GALNT17: variants seen among roughly 807,000 people sequenced by gnomAD.
The protein encoded by GALNT17 is UDP-GalNAc:polypeptide N-acetylgalactosaminyltransferase-like 3.
In GALNT17, 29 loss-of-function variants were observed where a neutral mutation model predicts 63.7. The observed-to-expected ratio is 0.46, with a 90% CI of 0.34 to 0.62. The LOEUF (loss-of-function observed/expected upper bound fraction) is 0.62. Among genes scored for constraint, GALNT17 ranks in the 20% least tolerant of loss-of-function variants. The pLI is 0.01. For missense variants in GALNT17, 603 were observed against 799.6 expected, an observed-to-expected ratio of 0.75 and a Z score of 2.97; for synonymous variants, 305 against 318.3, an observed-to-expected ratio of 0.96 and a Z score of 0.45.
chr7:71,543,800 CTTT>C (rs71089957), intron 5 of GALNT17, among the ~76,000 whole-genome samples: 1 of 146,922 alleles, frequency 6.8e-6, no homozygotes, highest in Non-Finnish European at 1.5e-5. Context: ...TCTTTTCTTT[CTTT>C]TTTTTTTGAG....
At chr7:71,645,623 C>A (rs1790665863) in intron 6 of GALNT17, among the ~76,000 whole-genome samples, 1 of 152,066 alleles carries the variant, frequency 6.6e-6, no homozygotes, top group African/African-American at 2.4e-5. Context: ...GTTATAGGCC[C>A]AAGAAGAGTA....
At chr7:71,639,765 C>T (rs1790577881) in intron 6 of GALNT17, among the ~76,000 whole-genome samples, 1 of 152,200 alleles carries the variant, frequency 6.6e-6, no homozygotes, top group African/African-American at 2.4e-5. Context: ...TTCTGAGGTT[C>T]ATAAAGCATT....
chr7:71,400,483 A>C (rs1465453723), intron 3 of GALNT17, among the ~76,000 whole-genome samples: 1 of 152,232 alleles, frequency 6.6e-6, no homozygotes, highest in Non-Finnish European at 1.5e-5. Flanking sequence ...TATAAATTTT[A>C]CATTATATAG....
chr7:71,413,415 G>T (rs958162546), intron 3 of GALNT17, among the ~76,000 whole-genome samples: 10 of 151,826 alleles, frequency 6.6e-5, no homozygotes, highest in African/African-American at 2.4e-4. Context: ...TCCCAGGCTG[G>T]AGTGCAGTGG....
intron 6 of GALNT17, among the ~76,000 whole-genome samples, chr7:71,589,277 G>A (rs572493883): frequency 1.3e-5 from 2 of 152,238 alleles, no homozygotes; most frequent in African/African-American, 2.4e-5. Flanking sequence ...GGACAAAGGA[G>A]AACTTAAAAG....
chr7:71,238,303 T>G (rs917944603), intron 1 of GALNT17, among the ~76,000 whole-genome samples: 2 of 152,100 alleles, frequency 1.3e-5, no homozygotes, highest in South Asian at 4.1e-4. Context: ...AGGTGAGGGG[T>G]TGGGAAAGAG....
At chr7:71,615,607 G>C (rs1487128622) in intron 6 of GALNT17, among the ~76,000 whole-genome samples, 1 of 149,992 alleles carries the variant, frequency 6.7e-6, no homozygotes, top group Non-Finnish European at 1.5e-5. Flanking sequence ...CTCCCAAGTA[G>C]TTGGGACTAC....
intron 5 of GALNT17, among the ~76,000 whole-genome samples, chr7:71,507,771 G>T (rs1788290808): frequency 6.6e-6 from 1 of 152,170 alleles, no homozygotes; most frequent in Non-Finnish European, 1.5e-5. Context: ...AGTTGGGAAG[G>T]AACTGGGAGG....
At chr7:71,701,905 ATATATACATATATATATG>A (rs1216557455) in intron 9 of GALNT17, among the ~76,000 whole-genome samples, 1 of 126,932 alleles carries the variant, frequency 7.9e-6, no homozygotes, top group African/African-American at 3.2e-5. Flanking sequence ...ACACATATAT[ATATATACATATATATATG>A]TATATATATA....
At chr7:71,545,582 C>A (rs1788969402) in intron 5 of GALNT17, among the ~76,000 whole-genome samples, 1 of 152,094 alleles carries the variant, frequency 6.6e-6, no homozygotes, top group African/African-American at 2.4e-5. Flanking sequence ...AAACTCCTGG[C>A]TTCTAGCGAT....
intron 9 of GALNT17, among the ~76,000 whole-genome samples, chr7:71,693,436 TGTG>T (rs1415632095): frequency 2.6e-5 from 4 of 151,672 alleles, no homozygotes; most frequent in African/African-American, 4.8e-5. Context: ...ATTAAAAAAA[TGTG>T]GTGCATATAC....
intron 9 of GALNT17, among the ~76,000 whole-genome samples, chr7:71,695,393 C>T (rs1186939050): frequency 6.6e-6 from 1 of 152,164 alleles, no homozygotes; most frequent in Non-Finnish European, 1.5e-5. Context: ...AGTCATATGG[C>T]AGAAGGGAGA....
chr7:71,581,403 A>C (rs1214137359), intron 6 of GALNT17, among the ~76,000 whole-genome samples: 1 of 151,954 alleles, frequency 6.6e-6, no homozygotes, highest in East Asian at 1.9e-4. Context: ...CATGTGATCC[A>C]CCCGCCTTGG....
intron 8 of GALNT17, 105 bp downstream of exon 8, chr7:71,670,214 GT>G: frequency 1.3e-6 from 2 of 1,487,948 alleles, no homozygotes; most frequent in Non-Finnish European, 1.9e-6. Context: ...TCAATGAGTG[GT>G]TTTTGGAGGT....
intron 6 of GALNT17, among the ~76,000 whole-genome samples, chr7:71,645,780 T>C (rs1790667547): frequency 6.6e-6 from 1 of 152,160 alleles, no homozygotes; most frequent in Admixed American, 6.5e-5. Context: ...TTTAAAAACC[T>C]GAAGAGGAGA....
intron 2 of GALNT17, among the ~76,000 whole-genome samples, chr7:71,340,601 T>C (rs981557380): frequency 6.6e-6 from 1 of 151,982 alleles, no homozygotes; most frequent in Non-Finnish European, 1.5e-5. Context: ...CTCAGTAGAG[T>C]CTTTGTTATA....
intron 5 of GALNT17, among the ~76,000 whole-genome samples, chr7:71,445,513 C>T (rs1412443116): frequency 6.6e-6 from 1 of 151,386 alleles, no homozygotes; most frequent in African/African-American, 2.4e-5. Flanking sequence ...GAGGCTTCAA[C>T]ATGGTCATGA....
intron 5 of GALNT17, among the ~76,000 whole-genome samples, chr7:71,497,080 A>G (rs1057422151): frequency 1.3e-5 from 2 of 152,158 alleles, no homozygotes; most frequent in African/African-American, 4.8e-5. Context: ...CTCTAAAAGA[A>G]GAAAATGATC....
chr7:71,199,377 C>A (rs963020021), intron 1 of GALNT17, among the ~76,000 whole-genome samples: 2 of 152,102 alleles, frequency 1.3e-5, no homozygotes, highest in Admixed American at 1.3e-4. Flanking sequence ...TACACAGGTT[C>A]TTGTGGATTA....
Sources: gnomAD v4.1 joint callset for allele counts (sites outside exome capture counted in the v4.1 genomes callset) on GRCh38, gnomAD v4.1.1 for gene constraint, MANE v1.5 for transcripts, NCBI Gene and HGNC (gene_info 2026-07-23, HGNC 2026-07-21) for gene names.